Variants in RALYL observed in about 807,000 individuals in gnomAD.
RALYL encodes RALY RNA binding protein like, also known as RNA-binding Raly-like protein.
In RALYL, 29 loss-of-function variants were observed where a neutral mutation model predicts 35.1. The observed-to-expected ratio is 0.83, with a 90% confidence interval of 0.61 to 1.13. RALYL has a LOEUF of 1.13. Ranked by LOEUF, RALYL falls within the 50% of genes most tolerant of loss-of-function variation. RALYL has a pLI of 0.00. For synonymous variants in RALYL, 120 were observed against 127.6 expected (o/e 0.94, Z 0.40); for missense variants, 359 against 360.4 (o/e 1.00, Z 0.03).
At chr8:84,596,863 G>T (rs1814669134) in intron 2 of RALYL, among the ~76,000 whole-genome samples, 1 of 151,928 alleles carries the variant, frequency 6.6e-6, no homozygotes, top group African/African-American at 2.4e-5. Context: ...CCTGGGACTT[G>T]ATTTGTATAT....
intron 1 of RALYL, among the ~76,000 whole-genome samples, chr8:84,333,599 C>A (rs550083182): frequency 2.0e-5 from 3 of 152,240 alleles, no homozygotes; most frequent in East Asian, 3.9e-4. Flanking sequence ...GCCGGGTCAA[C>A]TTCTAATACA....
intron 1 of RALYL, among the ~76,000 whole-genome samples, chr8:84,487,930 T>C (rs1444229814): frequency 6.6e-6 from 1 of 152,064 alleles, no homozygotes; most frequent in African/African-American, 2.4e-5. Context: ...GGCAACAGTG[T>C]TTTTAACATG....
At chr8:84,327,971 G>T (rs1199445988) in intron 1 of RALYL, among the ~76,000 whole-genome samples, 2 of 152,160 alleles carry the variant, frequency 1.3e-5, no homozygotes, top group African/African-American at 4.8e-5. Context: ...TGCCAAAAAG[G>T]TATTAAAGAA....
At chr8:84,674,428 G>A (rs568015630) in intron 2 of RALYL, among the ~76,000 whole-genome samples, 18 of 152,300 alleles carry the variant, frequency 1.2e-4, no homozygotes, top group Admixed American at 1.0e-3. Flanking sequence ...GAAATGGTGA[G>A]AGAGGGCATC....
At position 84,475,766 on chromosome 8, in the gene RALYL, A is replaced by G. The variant is rs112940825; in HGVS notation, c.-23-53533A>G. Among the ~76,000 whole-genome samples, 316 of 152,274 alleles carry G rather than the reference A, an allele frequency of 2.1e-3. 2 individuals are homozygous for G. The highest frequency in any genetic ancestry group is 6.9e-3 in the African/African-American group (287 of 41,552). ...TGGTCTCCAGAATTTGTTTAAACCT[A>G]CTATAGTTGCTGTTGTCCCTTTACT... On this transcript the variant is annotated intron_variant, in intron 1 of 8. Transcript: ENST00000521268.
intron 1 of RALYL, among the ~76,000 whole-genome samples, chr8:84,261,330 T>C (rs532978130): frequency 1.3e-5 from 2 of 152,176 alleles, no homozygotes; most frequent in Admixed American, 1.3e-4. Flanking sequence ...CCACGTGTGG[T>C]GGAAGGGACC....
chr8:84,909,260 T>C (rs993444594), intron 8 of RALYL, among the ~76,000 whole-genome samples: 5 of 152,168 alleles, frequency 3.3e-5, no homozygotes, highest in Non-Finnish European at 7.4e-5. Flanking sequence ...AAGTTGATTG[T>C]AGAGAAGCTG....
At chr8:84,497,017 C>T (rs2056106507) in intron 1 of RALYL, among the ~76,000 whole-genome samples, 1 of 152,070 alleles carries the variant, frequency 6.6e-6, no homozygotes, top group Non-Finnish European at 1.5e-5. Context: ...TTAGTAACTG[C>T]TTGAGTACTC....
chr8:84,582,353 T>G (rs1811027707), intron 2 of RALYL, among the ~76,000 whole-genome samples: 1 of 152,170 alleles, frequency 6.6e-6, no homozygotes, highest in Non-Finnish European at 1.5e-5. Context: ...CATTTTTGTT[T>G]AAATTATACC....
chr8:84,719,269 CG>C (rs1409424916), intron 2 of RALYL, among the ~76,000 whole-genome samples: 1 of 152,120 alleles, frequency 6.6e-6, no homozygotes, highest in Non-Finnish European at 1.5e-5. Context: ...ATAAACAGAA[CG>C]GATTGCCTTA....
rs183828956 is a variant in RALYL, at chr8:84,907,433, C to A, written c.859-13461C>A. 1.3e-3 allele frequency among the ~76,000 whole-genome samples: 196 copies of A among 152,066 alleles called. 1 individual carries two copies. The highest frequency in any genetic ancestry group is 4.4e-3 in the African/African-American group (184 of 41,494). On this transcript the variant is annotated intron_variant, in intron 8 of 8. Transcript: ENST00000521268. ...AACAATACTGTTTCCATTTTCACTA[C>A]CTTCCAGGAACAATGCTGAGTTTTT...
intron 1 of RALYL, among the ~76,000 whole-genome samples, chr8:84,409,902 G>A (rs1192276711): frequency 6.6e-6 from 1 of 151,586 alleles, no homozygotes; most frequent in Non-Finnish European, 1.5e-5. Context: ...TATTCTAATG[G>A]CTCTATGATG....
chr8:84,778,018 A>C (rs1486085112), intron 3 of RALYL, among the ~76,000 whole-genome samples: 1 of 152,156 alleles, frequency 6.6e-6, no homozygotes, highest in African/African-American at 2.4e-5. Flanking sequence ...CATTTATACA[A>C]GATATATTTA....
chr8:84,672,999 A>G (rs539376318), intron 2 of RALYL, among the ~76,000 whole-genome samples: 6 of 152,208 alleles, frequency 3.9e-5, no homozygotes, highest in African/African-American at 1.2e-4. Context: ...CCAACAGTGT[A>G]TAAGTGTTCC....
At chr8:84,867,312 A>T (rs950608655) in intron 6 of RALYL, among the ~76,000 whole-genome samples, 1 of 152,138 alleles carries the variant, frequency 6.6e-6, no homozygotes, top group African/African-American at 2.4e-5. Flanking sequence ...GCTTCATGTT[A>T]TAGTTATTTG....
At chr8:84,291,161 AG>A (rs1231313285) in intron 1 of RALYL, among the ~76,000 whole-genome samples, 2 of 152,188 alleles carry the variant, frequency 1.3e-5, no homozygotes, top group African/African-American at 2.4e-5. Flanking sequence ...AGGTATAAAA[AG>A]AAGTAAGGGA....
At chr8:84,606,117 A>G (rs1299719542) in intron 2 of RALYL, among the ~76,000 whole-genome samples, 2 of 152,092 alleles carry the variant, frequency 1.3e-5, no homozygotes, top group African/African-American at 4.8e-5. Flanking sequence ...CTGCTATATA[A>G]TAACTGTACT....
chr8:84,184,601 G>A (rs552002913), intron 1 of RALYL, among the ~76,000 whole-genome samples, 177 bp downstream of exon 1: 2 of 152,238 alleles, frequency 1.3e-5, no homozygotes, highest in South Asian at 4.1e-4. Context: ...ACCAAAGTCC[G>A]TTCCCTGCTT....
Position 84,192,994 on chromosome 8 carries a change from G to A in RALYL, c.-24+8570G>A, listed in dbSNP as rs151001504. Among the ~76,000 whole-genome samples the A allele has an allele frequency of 1.1e-4, 17 of 151,210 alleles. No homozygotes were observed. The East Asian group carries it at 3.3e-3, about 30-fold the overall frequency. ...GGAGTGCTTATGCTGGTTTTATTGT[G>A]TTATTCTTTCTAGTATTCCATCTAT... On this transcript the variant is annotated intron_variant, in intron 1 of 8. Transcript: ENST00000521268.
Sources: allele counts gnomAD v4.1 joint callset (sites outside exome capture counted in the v4.1 genomes callset), GRCh38; gene constraint gnomAD v4.1.1; transcripts MANE v1.5; gene names NCBI Gene and HGNC (gene_info 2026-07-23, HGNC 2026-07-21).